The following GNG7 variants were observed in gnomAD, a reference collection of about 807,000 sequenced individuals.
GNG7 encodes guanine nucleotide-binding protein G(I)/G(S)/G(O) subunit gamma-7.
GNG7 carries 1 observed loss-of-function variant against 4.0 expected under a neutral mutation model. That is an observed-to-expected ratio of 0.25 (90% confidence interval 0.09 to 1.18). The LOEUF is 1.18. Ranked by LOEUF, GNG7 falls within the 50% of genes most tolerant of loss-of-function variation. The pLI is 0.50. For missense variants in GNG7, 86 were observed against 91.9 expected (o/e 0.94, Z 0.26); for synonymous variants, 34 against 36.9 (o/e 0.92, Z 0.29).
chr19:2,597,618 C>T (rs967425496), intron 2 of GNG7, among the ~76,000 whole-genome samples: 22 of 149,310 alleles, frequency 1.5e-4, no homozygotes, highest in African/African-American at 4.5e-4. Context: ...ATAATAAGGC[C>T]GAGTGTGGTG....
At chr19:2,657,399 T>TATATATATACACACACAC (rs1332253018) in intron 1 of GNG7, among the ~76,000 whole-genome samples, 1 of 80,748 alleles carries the variant, frequency 1.2e-5, no homozygotes, top group African/African-American at 6.2e-5. Context: ...TATATATATA[T>TATATATATACACACACAC]ACACATAATA....
chr19:2,597,909 A>G (rs1024625427), intron 2 of GNG7, among the ~76,000 whole-genome samples: 12 of 152,060 alleles, frequency 7.9e-5, no homozygotes, highest in African/African-American at 2.7e-4. Context: ...AAAAAAAAAA[A>G]AAAAGAAATT....
chr19:2,542,458 A>T (rs1473858399), intron 3 of GNG7, among the ~76,000 whole-genome samples: 1 of 151,898 alleles, frequency 6.6e-6, no homozygotes, highest in Non-Finnish European at 1.5e-5. Flanking sequence ...TTTATTACTG[A>T]CAGCCAGCAA....
intron 1 of GNG7, among the ~76,000 whole-genome samples, chr19:2,662,414 G>A (rs1983205431): frequency 6.6e-6 from 1 of 152,080 alleles, no homozygotes; most frequent in African/African-American, 2.4e-5. Flanking sequence ...CCCACAGGTT[G>A]AGGGCTAAAT....
chr19:2,642,576 G>A (rs1305726649), intron 2 of GNG7: 1 of 359,078 alleles, frequency 2.8e-6, no homozygotes, highest in Non-Finnish European at 5.5e-6. Context: ...ATGTTGCCTG[G>A]GCTGGTCTCA....
chr19:2,585,756 A>G (rs1980652476), intron 2 of GNG7, among the ~76,000 whole-genome samples: 1 of 152,140 alleles, frequency 6.6e-6, no homozygotes, highest in African/African-American at 2.4e-5. Flanking sequence ...GCTGGAGTGC[A>G]GTGGCGCGAT....
At chr19:2,659,586 C>A (rs1465430061) in intron 1 of GNG7, among the ~76,000 whole-genome samples, 5 of 37,646 alleles carry the variant, frequency 1.3e-4, no homozygotes, top group Non-Finnish European at 2.5e-4. Context: ...GAGTGAGACT[C>A]CATCTTAAAA....
chr19:2,511,965 C>T lies in GNG7; in HGVS notation c.*3057G>A, dbSNP rs1368597271. On this transcript the variant is annotated 3_prime_UTR_variant, in exon 5 of 5. Transcript: ENST00000382159. This position sits in a 1 kb window ranked among gnomAD's most constrained non-coding sequence, Gnocchi z 6.3. ...GTCACAACAGGGTCGGGGCCTGGCC[C>T]GCTGTGGCCCTTCACCTGGCTACTG... is the stretch of plus-strand genomic sequence containing the variant. 5 of 985,868 alleles carry T rather than the reference C, an allele frequency of 5.1e-6. No homozygotes were observed. The highest frequency in any genetic ancestry group is 3.5e-5 in the African/African-American group (2 of 57,350). The allele number at this position is 985,868 out of a possible 1,614,324, so 61.1% of individuals were successfully genotyped here.
At chr19:2,552,926 G>A (rs1979380626) in intron 3 of GNG7, among the ~76,000 whole-genome samples, 1 of 150,782 alleles carries the variant, frequency 6.6e-6, no homozygotes, top group Non-Finnish European at 1.5e-5. Flanking sequence ...AAAGGTTGAG[G>A]ACTGCTGCCT....
chr19:2,572,697 G>A (rs533164201), intron 2 of GNG7, among the ~76,000 whole-genome samples: 30 of 151,032 alleles, frequency 2.0e-4, no homozygotes, highest in Non-Finnish European at 3.8e-4. Context: ...GGGCTCAAGC[G>A]ATCCTCCCAT....
intron 1 of GNG7, among the ~76,000 whole-genome samples, chr19:2,670,596 C>T (rs1462092048): frequency 6.6e-6 from 1 of 151,728 alleles, no homozygotes; most frequent in African/African-American, 2.4e-5. Context: ...CACAGAGCAC[C>T]CTATTCTCTG....
chr19:2,656,069 T>C (rs1250031911), intron 1 of GNG7, among the ~76,000 whole-genome samples: 3 of 140,254 alleles, frequency 2.1e-5, no homozygotes, highest in Non-Finnish European at 4.6e-5. Context: ...AAAAGAAACA[T>C]TGGTAAGGAT....
intron 2 of GNG7, among the ~76,000 whole-genome samples, chr19:2,571,588 C>CTTTTTTTTTTTT (rs779497111): frequency 4.3e-4 from 29 of 68,022 alleles, no homozygotes; most frequent in Admixed American, 4.6e-4. Context: ...CATTTCTTTC[C>CTTTTTTTTTTTT]TTTTTTTTTT....
chr19:2,688,202 A>G (rs978699881), intron 1 of GNG7, among the ~76,000 whole-genome samples: 1 of 152,176 alleles, frequency 6.6e-6, no homozygotes, highest in Non-Finnish European at 1.5e-5. Flanking sequence ...GCAGTGAGCC[A>G]AGATCGCGCC....
At chr19:2,654,897 C>T (rs1021834181) in intron 1 of GNG7, among the ~76,000 whole-genome samples, 28 of 87,420 alleles carry the variant, frequency 3.2e-4, no homozygotes, top group Admixed American at 2.8e-3. Context: ...GGGGCACCCC[C>T]GAGTTGTGAC....
At chr19:2,656,350 T>A (rs1020374491) in intron 1 of GNG7, among the ~76,000 whole-genome samples, 1 of 152,332 alleles carries the variant, frequency 6.6e-6, no homozygotes, top group Non-Finnish European at 1.5e-5. Context: ...ACGCCTGTCA[T>A]CCCAGCACTT....
intron 1 of GNG7, among the ~76,000 whole-genome samples, chr19:2,695,309 C>A (rs796591194): frequency 6.6e-6 from 1 of 152,062 alleles, no homozygotes; most frequent in Non-Finnish European, 1.5e-5. Context: ...CTTCTTATCA[C>A]CCCTGCACCT....
At chr19:2,571,851 C>T (rs905020823) in intron 2 of GNG7, among the ~76,000 whole-genome samples, 11 of 151,808 alleles carry the variant, frequency 7.2e-5, no homozygotes, top group African/African-American at 2.7e-4. Context: ...CCACCTTGGC[C>T]TCCCAAAGTG....
rs950549321 is a variant in GNG7 at position 2,614,295 on chromosome 19, C to G, written c.-78+31929G>C. Among the ~76,000 whole-genome samples, 1 of 152,212 alleles carries G rather than the reference C, an allele frequency of 6.6e-6. No homozygotes were observed. Among genetic ancestry groups the G allele is most frequent in the Non-Finnish European group, 1.5e-5 (1 of 68,042 alleles). On this transcript the variant is annotated intron_variant, in intron 2 of 4. Coordinates refer to ENST00000382159, the MANE Select transcript of GNG7 (RefSeq NM_052847.3). The surrounding 1 kb of genome is among the most constrained non-coding windows in gnomAD (Gnocchi z 6.0). Reference sequence around the variant, plus strand: ...GTACCCGCAGGGGGGCCCTGCACGTCGGGTCTCAGGCACATGTGTGGTGAA... The same window carrying G: ...GTACCCGCAGGGGGGCCCTGCACGTGGGGTCTCAGGCACATGTGTGGTGAA...
Sources: allele counts gnomAD v4.1 joint callset (sites outside exome capture counted in the v4.1 genomes callset), GRCh38; gene constraint gnomAD v4.1.1; non-coding constraint Gnocchi (gnomAD v3.1); transcripts MANE v1.5; gene names NCBI Gene and HGNC (gene_info 2026-07-23, HGNC 2026-07-21).